Variants in FAM135B observed in about 807,000 individuals in gnomAD.
FAM135B encodes the protein protein FAM135B.
In FAM135B, 43 loss-of-function variants were observed where a neutral mutation model predicts 127.7. The observed-to-expected ratio is 0.34, with a 90% CI of 0.26 to 0.43. The LOEUF is 0.43. Ranked by LOEUF, FAM135B falls within the 20% of genes least tolerant of loss-of-function variation. The pLI is 1.00. For synonymous variants in FAM135B, 670 were observed against 665.1 expected (o/e 1.01, Z -0.11); for missense variants, 1,558 against 1,725.6 (o/e 0.90, Z 1.72).
chr8:138,288,409 G>C (rs1824859565), intron 3 of FAM135B, among the ~76,000 whole-genome samples: 1 of 152,182 alleles, frequency 6.6e-6, no homozygotes, highest in Non-Finnish European at 1.5e-5. Context: ...TGCTGTGAGG[G>C]AAGTGTGCAG....
chr8:138,291,590 T>C lies in FAM135B; in HGVS notation c.157+19251A>G, dbSNP rs919156217. On this transcript the variant is annotated intron_variant, in intron 3 of 19. Transcript: ENST00000395297. ...TCAACAGCACATTAAAAGGATCATA[T>C]GTCATAATCAAGTAGAATCTACTCA... Among the ~76,000 whole-genome samples, 3 of 152,150 alleles carry C rather than the reference T, an allele frequency of 2.0e-5. No individual in the cohort carries two copies. The South Asian group carries it at 6.2e-4, about 32-fold the overall frequency.
chr8:138,183,682 G>A (rs1011682984), intron 9 of FAM135B, among the ~76,000 whole-genome samples: 1 of 152,196 alleles, frequency 6.6e-6, no homozygotes, highest in Non-Finnish European at 1.5e-5. Context: ...CATAGCAATA[G>A]TTCTGCAAGT....
intron 3 of FAM135B, among the ~76,000 whole-genome samples, chr8:138,301,780 C>T (rs763847032): frequency 6.6e-6 from 1 of 152,212 alleles, no homozygotes; most frequent in Non-Finnish European, 1.5e-5. Context: ...ACCTGGATGA[C>T]TCCAAATAGA....
chr8:138,367,365 T>G (rs1830804247), intron 2 of FAM135B: 4 of 456,112 alleles, frequency 8.8e-6, no homozygotes, highest in Non-Finnish European at 1.8e-5. Context: ...ATCATGAGGA[T>G]TTACTGATAT....
At chr8:138,365,593 G>C (rs952318139) in intron 2 of FAM135B, among the ~76,000 whole-genome samples, 1 of 151,982 alleles carries the variant, frequency 6.6e-6, no homozygotes, top group African/African-American at 2.4e-5. Context: ...GTATCAATAG[G>C]CTTTTGTAAG....
chr8:138,261,214 C>T (rs768939645), intron 4 of FAM135B, among the ~76,000 whole-genome samples: 8 of 152,066 alleles, frequency 5.3e-5, no homozygotes, highest in Non-Finnish European at 7.4e-5. Context: ...CCTGGGCTCA[C>T]GAATCTGCAT....
At chr8:138,465,450 G>A (rs903646788) in intron 1 of FAM135B, among the ~76,000 whole-genome samples, 3 of 152,160 alleles carry the variant, frequency 2.0e-5, no homozygotes, top group African/African-American at 7.2e-5. Context: ...ACTCAGGGCT[G>A]ATCAAATCCA....
intron 19 of FAM135B, among the ~76,000 whole-genome samples, chr8:138,133,434 G>A (rs1816364353): frequency 6.6e-6 from 1 of 152,168 alleles, no homozygotes; most frequent in African/African-American, 2.4e-5. Flanking sequence ...AGATAGATTT[G>A]CACACCTGGA....
intron 1 of FAM135B, among the ~76,000 whole-genome samples, chr8:138,409,216 ATTG>A (rs1405631467): frequency 6.6e-6 from 1 of 152,104 alleles, no homozygotes; most frequent in Non-Finnish European, 1.5e-5. Flanking sequence ...GATTTTCAGT[ATTG>A]TTGTGTCTCC....
At chr8:138,223,884 A>C (rs1819213894) in intron 7 of FAM135B, among the ~76,000 whole-genome samples, 1 of 152,196 alleles carries the variant, frequency 6.6e-6, no homozygotes, top group African/African-American at 2.4e-5. Context: ...TTTTCTTTGC[A>C]GCAACATGGA....
At chr8:138,455,466 AT>A (rs1171388663) in intron 1 of FAM135B, among the ~76,000 whole-genome samples, 1 of 152,188 alleles carries the variant, frequency 6.6e-6, no homozygotes, top group Non-Finnish European at 1.5e-5. Flanking sequence ...AACAATAACA[AT>A]ATCATAATAA....
Position 138,460,713 on chromosome 8 carries a change from T to TA in FAM135B, c.-20+35957_-20+35958insT, listed in dbSNP as rs1469514767. Among the ~76,000 whole-genome samples, 8 of 151,940 alleles carry TA rather than the reference T, an allele frequency of 5.3e-5. No individual in the cohort carries two copies. In the East Asian group the frequency reaches 1.6e-3, roughly 29 times the overall value. On this transcript the variant is annotated intron_variant, in intron 1 of 19. Transcript: ENST00000395297. ...TTCTGGGAGGCTTCTGGAAGGATTT[T>TA]TTTTTCTATAAAAAAAGAACAGACA...
intron 1 of FAM135B, among the ~76,000 whole-genome samples, chr8:138,446,274 T>C (rs530059882): frequency 1.3e-5 from 2 of 152,256 alleles, no homozygotes; most frequent in East Asian, 1.9e-4. Flanking sequence ...AAGCTACCAA[T>C]GACTTTCTTC....
chr8:138,233,104 G>T (rs976184002), intron 7 of FAM135B, among the ~76,000 whole-genome samples: 26 of 152,160 alleles, frequency 1.7e-4, no homozygotes, highest in Non-Finnish European at 3.1e-4. Context: ...AATTACAAAT[G>T]ATCTCAAATA....
Position 138,132,752 on chromosome 8 carries a change from A to G in FAM135B, c.4062T>C (p.Val1354=), listed in dbSNP as rs1816309559. The change falls in exon 20 of 20, where the codon GTT becomes GTC. Residue 1354 remains valine, a synonymous_variant. Transcript: ENST00000395297. This position sits in a 1 kb window ranked among gnomAD's most constrained non-coding sequence, Gnocchi z 4.5. ...GGATTAAAGTGCAGTCCTTGGCTTC[A>G]ACCAGAGGGCCCAGGAGGTTGTTGA... ...EMINNLLGPL[V]EAKDCTLIRH... is the part of the protein sequence containing the mutation. 2.5e-6 allele frequency: 4 copies of G among 1,614,062 alleles called. No individual in the cohort carries two copies. The highest frequency in any genetic ancestry group is 3.4e-6 in the Non-Finnish European group (4 of 1,180,036).
chr8:138,137,267 A>T lies in FAM135B; in HGVS notation c.3902-7T>A, dbSNP rs6577877. 6.5e-7 allele frequency: 1 copy of T among 1,530,870 alleles called. No homozygotes were observed. Among genetic ancestry groups the T allele is most frequent in the Non-Finnish European group, 9.1e-7 (1 of 1,104,438 alleles). 94.8% of individuals were successfully genotyped at this position (1,530,870 alleles called of 1,614,324 possible). A position where few individuals can be genotyped will look rare whatever the true frequency, so the allele number is the denominator to read the frequency against. Reference sequence around the variant, plus strand: ...TTTTTAAAATACTGCAGCCCTGTAAAAATTAGCCAGATGAGTGCTTTTTAC... The same window carrying T: ...TTTTTAAAATACTGCAGCCCTGTAATAATTAGCCAGATGAGTGCTTTTTAC... On this transcript the variant is annotated splice_polypyrimidine_tract_variant and splice_region_variant and intron_variant, in intron 18 of 19. Coordinates refer to ENST00000395297, the MANE Select transcript of FAM135B (RefSeq NM_015912.4).
chr8:138,142,428 TG>T (rs900060408), intron 16 of FAM135B, among the ~76,000 whole-genome samples: 1 of 150,454 alleles, frequency 6.6e-6, no homozygotes, highest in Non-Finnish European at 1.5e-5. Flanking sequence ...GTCAGCCTCC[TG>T]AGTAGCTGGG....
At chr8:138,178,820 A>G in intron 9 of FAM135B, 130 bp from the exon 10 acceptor site, 1 of 699,226 alleles carries the variant, frequency 1.4e-6, no homozygotes. Context: ...CATCTGTAGT[A>G]TTATATATTA....
In FAM135B at chr8:138,141,359, A is replaced by G. The variant is rs2130600219; in HGVS notation, c.3639-10T>C. On this transcript the variant is annotated splice_polypyrimidine_tract_variant and intron_variant, in intron 16 of 19. Coordinates refer to ENST00000395297, the MANE Select transcript of FAM135B (RefSeq NM_015912.4). The surrounding 1 kb of genome is among the most constrained non-coding windows in gnomAD (Gnocchi z 4.7). ...AGAATGGCCAATGAAGCTGTGGAGA[A>G]ACAGAAGGGGTACCCATGAGTGTGA... The G allele has an allele frequency of 6.2e-7, 1 of 1,613,984 alleles. No individual in the cohort carries two copies. The highest frequency in any genetic ancestry group is 1.1e-5 in the South Asian group (1 of 91,060).
Sources: allele counts gnomAD v4.1 joint callset (sites outside exome capture counted in the v4.1 genomes callset), GRCh38; gene constraint gnomAD v4.1.1; non-coding constraint Gnocchi (gnomAD v3.1); transcripts MANE v1.5; gene names NCBI Gene and HGNC (gene_info 2026-07-23, HGNC 2026-07-21).